The following GRIK4 variants were observed in gnomAD, a reference collection of about 807,000 sequenced individuals.
The protein encoded by GRIK4 is glutamate receptor ionotropic, kainate 4.
In GRIK4, 40 loss-of-function variants were observed where a neutral mutation model predicts 104.9. That is an observed-to-expected ratio of 0.38 (90% CI 0.30 to 0.50). The LOEUF is 0.50. Ranked by LOEUF, GRIK4 falls within the 20% of genes least tolerant of loss-of-function variation. The probability of loss-of-function intolerance (pLI) is 0.93; values close to 1 mark genes in which losing one functional copy is unlikely to be tolerated. For missense variants in GRIK4, 1,047 were observed against 1,308.1 expected (o/e 0.80, Z 3.08); for synonymous variants, 485 against 524.9 (o/e 0.92, Z 1.04).
At chr11:120,711,852 C>G in intron 3 of GRIK4, among the ~76,000 whole-genome samples, 1 of 152,306 alleles carries the variant, frequency 6.6e-6, no homozygotes, top group African/African-American at 2.4e-5. Context: ...CCAGAGGAGA[C>G]AGGAGGTGGG....
chr11:120,545,624 G>C (rs1013230634), intron 1 of GRIK4, among the ~76,000 whole-genome samples: 2 of 152,202 alleles, frequency 1.3e-5, no homozygotes, highest in African/African-American at 4.8e-5. Flanking sequence ...ATTTTAATAT[G>C]CACCATTTGA....
intron 1 of GRIK4, among the ~76,000 whole-genome samples, chr11:120,520,015 C>T (rs529082414): frequency 3.3e-5 from 5 of 152,032 alleles, no homozygotes; most frequent in African/African-American, 1.2e-4. Context: ...GCCTCAGCCT[C>T]CTGAGTAGCT....
intron 8 of GRIK4, among the ~76,000 whole-genome samples, chr11:120,856,465 G>A (rs1247207628): frequency 6.6e-6 from 1 of 152,162 alleles, no homozygotes; most frequent in Non-Finnish European, 1.5e-5. Context: ...GAAATGACGA[G>A]GACCTAACCT....
rs114100853 is a variant in GRIK4 at position 120,896,028 on chromosome 11, A to G, written c.1165-2504A>G. Among the ~76,000 whole-genome samples the G allele has an allele frequency of 5.1e-3, 783 of 152,270 alleles. 8 individuals carry two copies. Among genetic ancestry groups the G allele is most frequent in the African/African-American group, 0.018 (730 of 41,546 alleles). ...GCCTTCCGCCCTAGCCTCACCAACA[A>G]CAGCAATCTGCTGATAGACAATGGT... On this transcript the variant is annotated intron_variant, in intron 11 of 20. Transcript: ENST00000527524.
At chr11:120,978,877 G>A (rs745703711) in intron 19 of GRIK4, among the ~76,000 whole-genome samples, 91 of 152,300 alleles carry the variant, frequency 6.0e-4, no homozygotes, top group Non-Finnish European at 1.1e-3. Context: ...CAAGATGGGA[G>A]TGTGACTGAC....
chr11:120,529,310 C>T (rs1403931536), intron 1 of GRIK4, among the ~76,000 whole-genome samples: 1 of 152,154 alleles, frequency 6.6e-6, no homozygotes, highest in African/African-American at 2.4e-5. Context: ...GAGGATCTTG[C>T]CAAATATTTG....
chr11:120,754,162 C>G (rs993724268), intron 3 of GRIK4, among the ~76,000 whole-genome samples: 10 of 152,166 alleles, frequency 6.6e-5, no homozygotes, highest in African/African-American at 2.4e-4. Flanking sequence ...TCCCAAGTAG[C>G]TGGGATTACA....
chr11:120,864,521 T>C (rs1012823787), intron 9 of GRIK4, among the ~76,000 whole-genome samples: 10 of 152,174 alleles, frequency 6.6e-5, no homozygotes, highest in Non-Finnish European at 1.3e-4. Context: ...ATTACAGGCG[T>C]GAGCCATCAT....
intron 1 of GRIK4, among the ~76,000 whole-genome samples, chr11:120,569,595 A>G (rs1359967148): frequency 6.6e-6 from 1 of 152,112 alleles, no homozygotes; most frequent in Non-Finnish European, 1.5e-5. Flanking sequence ...TTGTTGTTGA[A>G]TTATAATTTG....
chr11:120,986,238 C>T lies in GRIK4; in HGVS notation c.2849C>T (p.Thr950Ile). 6.4e-7 allele frequency: 1 copy of T among 1,570,720 alleles called. No individual in the cohort carries two copies. The highest frequency in any genetic ancestry group is 8.6e-7 in the Non-Finnish European group (1 of 1,168,098). ...SEESLEWEKT[T>I]NSSEPE ...GAGAGCCTGGAGTGGGAGAAAACCA[C>T]CAACAGCAGCGAGCCCGAGTAGTCC... Residue 950 changes from threonine (T) to isoleucine (I), a missense_variant, in exon 21 of 21, where the codon ACC becomes ATC. This residue lies in a region of GRIK4 where 160 missense variants were observed against 140.9 expected (regional missense o/e 1.14). Coordinates refer to ENST00000527524, the MANE Select transcript of GRIK4 (RefSeq NM_014619.5).
chr11:120,796,937 T>C (rs962774834), intron 3 of GRIK4, among the ~76,000 whole-genome samples: 3 of 150,988 alleles, frequency 2.0e-5, no homozygotes, highest in African/African-American at 7.3e-5. Context: ...GACAAGAATA[T>C]GGAGAGGAGT....
chr11:120,968,948 A>G (rs569627968), intron 19 of GRIK4, among the ~76,000 whole-genome samples: 1 of 152,314 alleles, frequency 6.6e-6, no homozygotes, highest in African/African-American at 2.4e-5. Flanking sequence ...TCTGCACCCT[A>G]GCACCGTGCT....
chr11:120,563,656 T>C (rs1948268821), intron 1 of GRIK4, among the ~76,000 whole-genome samples: 1 of 152,156 alleles, frequency 6.6e-6, no homozygotes, highest in African/African-American at 2.4e-5. Context: ...CCGCAGCTGC[T>C]AGACCCCAGG....
chr11:120,770,570 G>A (rs1173683120), intron 3 of GRIK4, among the ~76,000 whole-genome samples: 11 of 152,156 alleles, frequency 7.2e-5, no homozygotes, highest in Admixed American at 5.9e-4. Context: ...TCATTTATTT[G>A]TTCTCTTATG....
intron 8 of GRIK4, 101 bp downstream of exon 8, chr11:120,836,945 A>C: frequency 1.3e-6 from 1 of 758,812 alleles, no homozygotes; most frequent in Non-Finnish European, 2.3e-6. Flanking sequence ...CGAGTACAGG[A>C]GATAGAAGCA....
At chr11:120,970,453 T>G (rs867948295) in intron 19 of GRIK4, among the ~76,000 whole-genome samples, 62 of 152,342 alleles carry the variant, frequency 4.1e-4, no homozygotes, top group African/African-American at 1.2e-3. Flanking sequence ...CCTATTCCAT[T>G]TGATCTCTTG....
chr11:120,781,164 G>C (rs1350713690), intron 3 of GRIK4, among the ~76,000 whole-genome samples: 1 of 135,634 alleles, frequency 7.4e-6, no homozygotes, highest in South Asian at 2.4e-4. Context: ...GTTTGTTTCT[G>C]TTTCTTGGCT....
At chr11:120,754,632 G>A (rs767716165) in intron 3 of GRIK4, among the ~76,000 whole-genome samples, 2 of 152,148 alleles carry the variant, frequency 1.3e-5, no homozygotes, top group African/African-American at 2.4e-5. Context: ...TAATCATATG[G>A]TAAATCTATA....
At chr11:120,706,266 A>G (rs1195142489) in intron 3 of GRIK4, among the ~76,000 whole-genome samples, 1 of 151,478 alleles carries the variant, frequency 6.6e-6, no homozygotes, top group African/African-American at 2.4e-5. Context: ...TTTATCACCA[A>G]CTCCACCCAT....
Sources: gnomAD v4.1 joint callset for allele counts (sites outside exome capture counted in the v4.1 genomes callset) on GRCh38, gnomAD v4.1.1 for gene constraint, gnomAD v4.1.1 regional missense constraint, MANE v1.5 for transcripts, NCBI Gene and HGNC (gene_info 2026-07-23, HGNC 2026-07-21) for gene names.